The following PDE4C variants were observed in gnomAD, a reference collection of about 807,000 sequenced individuals.
PDE4C encodes the protein 3',5'-cyclic-AMP phosphodiesterase 4C.
Under a neutral mutation model 63.9 loss-of-function variants are expected in PDE4C, and 50 were observed. That is an observed-to-expected ratio of 0.78 (90% CI 0.62 to 0.99). The LOEUF (loss-of-function observed/expected upper bound fraction) is 0.99. PDE4C is among the 50% of genes least tolerant of loss of function. The pLI, the probability that PDE4C is intolerant of heterozygous loss-of-function variation, is 0.00. For missense variants in PDE4C, 777 were observed against 899.1 expected, an observed-to-expected ratio of 0.86 and a Z score of 1.74; for synonymous variants, 377 against 385.1, an observed-to-expected ratio of 0.98 and a Z score of 0.25.
chr19:18,213,828 G>A (rs1188814957), intron 12 of PDE4C, among the ~76,000 whole-genome samples: 4 of 152,198 alleles, frequency 2.6e-5, no homozygotes, highest in African/African-American at 7.2e-5. Context: ...CCTGTGGGGT[G>A]GGTGGGGCGG....
At chr19:18,244,853 TGAG>T (rs1475167830) in intron 1 of PDE4C, among the ~76,000 whole-genome samples, 5 of 151,276 alleles carry the variant, frequency 3.3e-5, no homozygotes, top group South Asian at 2.1e-4. Flanking sequence ...TATTTTCTGT[TGAG>T]ATGGAGTCTC....
intron 12 of PDE4C, among the ~76,000 whole-genome samples, chr19:18,214,823 A>T (rs1568663100): frequency 1.3e-5 from 2 of 151,614 alleles, no homozygotes; most frequent in Non-Finnish European, 2.9e-5. Flanking sequence ...GGTGGCAGGC[A>T]CCTGTAATCC....
At chr19:18,255,099 G>A in the PDE4C span, 1 of 394,484 alleles carries the variant, frequency 2.5e-6, no homozygotes, top group East Asian at 3.6e-5. This position sits in a 1 kb window ranked among gnomAD's most constrained non-coding sequence, Gnocchi z 4.6. Context: ...CTTCCTCGGA[G>A]GGTTGGCGGA....
chr19:18,219,637 A>C, intron 7 of PDE4C: 1 of 493,734 alleles, frequency 2.0e-6, no homozygotes, highest in Non-Finnish European at 3.6e-6. Context: ...CAGTCTGAGC[A>C]ATACGGTGAA....
intron 12 of PDE4C, among the ~76,000 whole-genome samples, chr19:18,215,984 C>A (rs1968178827): frequency 6.6e-6 from 1 of 151,846 alleles, no homozygotes; most frequent in African/African-American, 2.4e-5. Flanking sequence ...TGCCCGCCAC[C>A]AGGCCCGGCT....
chr19:18,255,302 C>G, the PDE4C span: 23,791 of 399,338 alleles, frequency 0.06, 812 homozygotes, highest in Non-Finnish European at 0.077. The surrounding 1 kb of genome is among the most constrained non-coding windows in gnomAD (Gnocchi z 4.6). Flanking sequence ...GCTGGGGGCA[C>G]GCCATTCCTG....
chr19:18,252,871 T>C (rs1189427754), upstream of PDE4C, among the ~76,000 whole-genome samples: 1 of 152,234 alleles, frequency 6.6e-6, no homozygotes, highest in Non-Finnish European at 1.5e-5. Context: ...CCTCCCAAAG[T>C]GCTGGGATTA....
At chr19:18,221,218 G>A (rs1221160022) in intron 3 of PDE4C, 40 bp from the exon 4 acceptor site, 5 of 1,558,872 alleles carry the variant, frequency 3.2e-6, no homozygotes, top group Non-Finnish European at 3.5e-6. Flanking sequence ...AGGAGAGGCC[G>A]GATCCGGAGG....
At chr19:18,208,053 G>A (rs1283875963), downstream of PDE4C, 1 of 151,712 alleles carries the variant, frequency 6.6e-6, no homozygotes, top group Non-Finnish European at 1.5e-5. Context: ...CTTTGTAAGC[G>A]GACTGGGGGG....
chr19:18,210,903 C>A, exon 15 of PDE4C: 1 of 1,563,678 alleles, frequency 6.4e-7, no homozygotes, highest in South Asian at 1.2e-5. Context: ...CCATCCATTG[C>A]CCCTGCAGTT....
intron 14 of PDE4C, 98 bp downstream of exon 14, chr19:18,211,661 C>T: frequency 7.1e-7 from 1 of 1,408,294 alleles, no homozygotes; most frequent in Non-Finnish European, 9.9e-7. Context: ...CACTCCCTGG[C>T]TAGCCAGCCA....
At chr19:18,235,043 T>C (rs1396609584), upstream of PDE4C, among the ~76,000 whole-genome samples, 1 of 152,162 alleles carries the variant, frequency 6.6e-6, no homozygotes, top group African/African-American at 2.4e-5. Context: ...TAATGGTGTC[T>C]CCAACTCTTG....
upstream of PDE4C, among the ~76,000 whole-genome samples, chr19:18,226,775 G>A (rs1968745979): frequency 6.6e-6 from 1 of 151,788 alleles, no homozygotes; most frequent in Non-Finnish European, 1.5e-5. Flanking sequence ...CCGGGCTAAT[G>A]TATTTTCTGG....
At position 18,220,611 on chromosome 19, in the gene PDE4C, T is replaced by G; in HGVS notation, c.500-96A>C. ...TCTCTTCATCTGGACCCTGAAACTGTTCCCACGGGGGCCACCCAGGACTCC... is the reference window on the plus strand; with the variant it reads ...TCTCTTCATCTGGACCCTGAAACTGGTCCCACGGGGGCCACCCAGGACTCC... On this transcript the variant is annotated intron_variant, in intron 5 of 14. Coordinates refer to ENST00000262805, the Ensembl canonical transcript of PDE4C. The surrounding 1 kb of genome is among the most constrained non-coding windows in gnomAD (Gnocchi z 5.1). The G allele has an allele frequency of 8.9e-7, 1 of 1,127,092 alleles. No individual in the cohort carries two copies. Among genetic ancestry groups the G allele is most frequent in the Non-Finnish European group, 1.3e-6 (1 of 782,354 alleles). The allele number at this position is 1,127,092 out of a possible 1,614,324, so 69.8% of individuals were successfully genotyped here.
chr19:18,250,921 G>A (rs772433870), upstream of PDE4C, among the ~76,000 whole-genome samples: 8 of 151,646 alleles, frequency 5.3e-5, no homozygotes, highest in Non-Finnish European at 1.2e-4. Flanking sequence ...CTACAAGTGT[G>A]TGCCACCACA....
rs1352077625 is a variant in PDE4C at position 18,220,985 on chromosome 19, C to CA, written c.450-63dup. ...CATCTCGCCCCGCCCCCAAGTCCAC[C>CA]AGGCCCCGCCCCTCAAACCCACCTG... On this transcript the variant is annotated intron_variant, in intron 4 of 14. Transcript: ENST00000262805. This position sits in a 1 kb window ranked among gnomAD's most constrained non-coding sequence, Gnocchi z 5.1. 27 of 1,558,766 alleles carry CA rather than the reference C, an allele frequency of 1.7e-5. No individual in the cohort carries two copies. In the East Asian group the frequency reaches 5.8e-4, roughly 33 times the overall value.
chr19:18,238,390 C>A (rs1968988039), upstream of PDE4C, among the ~76,000 whole-genome samples: 1 of 151,714 alleles, frequency 6.6e-6, no homozygotes, highest in South Asian at 2.1e-4. Context: ...TGCCCACCAC[C>A]ACGCCTGGCT....
At position 18,240,713 on chromosome 19, in the gene PDE4C, C is replaced by T. The variant is rs549657086; in HGVS notation, c.-209-7313G>A. Among the ~76,000 whole-genome samples, 52 of 152,020 alleles carry T rather than the reference C, an allele frequency of 3.4e-4. 1 individual carries two copies. The highest frequency in any genetic ancestry group is 1.2e-3 in the African/African-American group (49 of 41,436). ...ACTGCACTCCAGCCTGGCAACAGAG[C>T]GAGACTACGTCTCAAAAAAAAATGG... is the stretch of plus-strand genomic sequence containing the variant. On this transcript the variant is annotated intron_variant, in intron 1 of 15. Coordinates refer to the PDE4C transcript ENST00000594617.
At position 18,217,064 on chromosome 19, in the gene PDE4C, G is replaced by C. The variant is rs192657112; in HGVS notation, c.1235-169C>G. 9.1e-4 allele frequency: 604 copies of C among 663,354 alleles called. 1 individual carries two copies. Among genetic ancestry groups the C allele is most frequent in the Admixed American group, 2.3e-3 (70 of 30,180 alleles). 41.1% of individuals were successfully genotyped at this position (663,354 alleles called of 1,614,324 possible). On this transcript the variant is annotated intron_variant, in intron 11 of 14. Coordinates refer to ENST00000262805, the Ensembl canonical transcript of PDE4C. The stretch of plus-strand genomic sequence containing the variant: ...GGTCCCTGGCGCTTCCCTGACTGCA[G>C]GGCTAGGGTTGTCTGTGTTTGGCTC...
Sources: gnomAD v4.1 joint callset for allele counts (sites outside exome capture counted in the v4.1 genomes callset) on GRCh38, gnomAD v4.1.1 for gene constraint, Gnocchi (gnomAD v3.1) non-coding constraint, MANE v1.5 for transcripts, NCBI Gene and HGNC (gene_info 2026-07-23, HGNC 2026-07-21) for gene names.